Variants in DNAH11 observed in about 807,000 individuals in gnomAD.
DNAH11 encodes the protein axonemal beta dynein heavy chain 11.
DNAH11 carries 442 observed loss-of-function variants against 526.0 expected under a neutral mutation model. The observed-to-expected ratio is 0.84, with a 90% CI of 0.78 to 0.91. DNAH11 has a LOEUF of 0.91. Among genes scored for constraint, DNAH11 ranks in the 40% least tolerant of loss-of-function variants. DNAH11 has a pLI of 0.00. For synonymous variants in DNAH11, 2,461 were observed against 1,935.9 expected (o/e 1.27, Z -7.12); for missense variants, 6,989 against 5,448.7 (o/e 1.28, Z -8.90).
intron 25 of DNAH11, among the ~76,000 whole-genome samples, chr7:21,632,906 G>A (rs2128458526): frequency 6.6e-6 from 1 of 152,250 alleles, no homozygotes; most frequent in East Asian, 1.9e-4. Flanking sequence ...TTTTCATGCT[G>A]CTGATAAAGA....
chr7:21,598,033 C>G (rs766070830), intron 14 of DNAH11, among the ~76,000 whole-genome samples: 20 of 152,146 alleles, frequency 1.3e-4, no homozygotes, highest in Non-Finnish European at 2.5e-4. Flanking sequence ...CTAGGGTTCT[C>G]TCATCTCTCC....
rs147462266 is a variant in DNAH11 at position 21,775,159 on chromosome 7, C to A, written c.9336+1160C>A. Among the ~76,000 whole-genome samples, 44 of 152,284 alleles carry A rather than the reference C, an allele frequency of 2.9e-4. No individual in the cohort carries two copies. In the East Asian group the frequency reaches 5.6e-3, roughly 19 times the overall value. ...CCAAGAATGACTCTGTGACAAAACA[C>A]TGTGATCTGTACTAATAGTGAGTAG... On this transcript the variant is annotated intron_variant, in intron 56 of 81. Coordinates refer to ENST00000409508, the MANE Select transcript of DNAH11 (RefSeq NM_001277115.2).
At chr7:21,670,018 G>A (rs1405191586) in intron 30 of DNAH11, among the ~76,000 whole-genome samples, 1 of 152,056 alleles carries the variant, frequency 6.6e-6, no homozygotes, top group Non-Finnish European at 1.5e-5. Context: ...ACTGTTTGAA[G>A]TTCTTTTTTA....
chr7:21,559,693 T>G lies in DNAH11; in HGVS notation c.783T>G (p.Asp261Glu). The G allele has an allele frequency of 3.1e-6, 5 of 1,611,330 alleles. No homozygotes were observed. Among genetic ancestry groups the G allele is most frequent in the Non-Finnish European group, 4.2e-6 (5 of 1,178,716 alleles). Residue 261 changes from aspartate (D) to glutamate (E), a missense_variant, in exon 4 of 82, where the codon GAT becomes GAG. Transcript: ENST00000409508. ...SHQIQEIIER[D>E]SVQRLLNGLH... ...AAATCCAAGAAATTATAGAAAGAGA[T>G]TCAGTGCAGCGTTTGTTGAATGGTC...
At position 21,555,660 on chromosome 7, in the gene DNAH11, A is replaced by G. The variant is rs192483768; in HGVS notation, c.496-3142A>G. Among the ~76,000 whole-genome samples the G allele has an allele frequency of 1.4e-4, 22 of 152,172 alleles. No individual in the cohort carries two copies. In the East Asian group the frequency reaches 2.3e-3, roughly 16 times the overall value. On this transcript the variant is annotated intron_variant, in intron 2 of 81. Coordinates refer to ENST00000409508, the MANE Select transcript of DNAH11 (RefSeq NM_001277115.2). Reference sequence around the variant, plus strand: ...CCACCAAGGCAGTACCTATAGTCCAATTTTCCTCCCTTGGCTTGTGCATGA... The same window carrying G: ...CCACCAAGGCAGTACCTATAGTCCAGTTTTCCTCCCTTGGCTTGTGCATGA...
chr7:21,850,659 G>A (rs1204173810), intron 66 of DNAH11, among the ~76,000 whole-genome samples: 1 of 35,868 alleles, frequency 2.8e-5, no homozygotes, highest in Non-Finnish European at 5.1e-5. Context: ...GTACTTATTT[G>A]TTGAAAACCT....
chr7:21,887,354 GTTAA>G (rs1182856247), intron 76 of DNAH11, among the ~76,000 whole-genome samples: 3 of 152,170 alleles, frequency 2.0e-5, no homozygotes, highest in African/African-American at 7.2e-5. Flanking sequence ...ATTTGGCAGC[GTTAA>G]TTAAGAAATA....
At chr7:21,552,897 G>A (rs984010757) in intron 2 of DNAH11, among the ~76,000 whole-genome samples, 4 of 152,042 alleles carry the variant, frequency 2.6e-5, no homozygotes, top group African/African-American at 9.7e-5. Context: ...TGGTAGGTCT[G>A]GACAAGTTGA....
At chr7:21,585,079 A>C (rs1194492301) in intron 9 of DNAH11, among the ~76,000 whole-genome samples, 1 of 152,128 alleles carries the variant, frequency 6.6e-6, no homozygotes, top group African/African-American at 2.4e-5. Flanking sequence ...TAAACAATTT[A>C]ATCTCTTAGG....
chr7:21,654,067 G>A (rs1478063458), intron 28 of DNAH11, among the ~76,000 whole-genome samples: 3 of 152,002 alleles, frequency 2.0e-5, no homozygotes, highest in African/African-American at 7.2e-5. Context: ...CTGGTTATCA[G>A]CAGCTCATAT....
At chr7:21,864,081 T>G (rs1247004580) in intron 69 of DNAH11, among the ~76,000 whole-genome samples, 1 of 152,194 alleles carries the variant, frequency 6.6e-6, no homozygotes, top group Admixed American at 6.5e-5. Context: ...CAATATAATC[T>G]TACATATTAA....
chr7:21,698,263 GC>G (rs746888859), intron 36 of DNAH11, 50 bp downstream of exon 36: 3 of 1,597,084 alleles, frequency 1.9e-6, no homozygotes, highest in Non-Finnish European at 2.6e-6. Flanking sequence ...CATTGAAAAA[GC>G]TTTTGAAGTA....
chr7:21,711,373 AT>A (rs1420244458), intron 41 of DNAH11, among the ~76,000 whole-genome samples: 3 of 152,212 alleles, frequency 2.0e-5, no homozygotes, highest in African/African-American at 7.2e-5. Flanking sequence ...TCTTTGGACA[AT>A]TGATAATTGT....
intron 25 of DNAH11, among the ~76,000 whole-genome samples, chr7:21,631,331 T>C (rs1245788649): frequency 6.6e-6 from 1 of 152,108 alleles, no homozygotes; most frequent in African/African-American, 2.4e-5. Flanking sequence ...CCCTCCCAAA[T>C]CATGTCCTCA....
intron 25 of DNAH11, among the ~76,000 whole-genome samples, chr7:21,635,146 GTTTGTTTGT>G: frequency 1.1e-5 from 1 of 92,488 alleles, no homozygotes; most frequent in South Asian, 3.7e-4. Flanking sequence ...GGGGCAGTTT[GTTTGTTTGT>G]TTGTTTGTTT....
chr7:21,560,226 T>G (rs1448804614), intron 4 of DNAH11, among the ~76,000 whole-genome samples: 1 of 152,196 alleles, frequency 6.6e-6, no homozygotes, highest in East Asian at 1.9e-4. Flanking sequence ...CATTCACATG[T>G]CTTTTGGAGA....
intron 25 of DNAH11, among the ~76,000 whole-genome samples, chr7:21,629,512 C>G (rs1786502295): frequency 6.6e-6 from 1 of 152,098 alleles, no homozygotes; most frequent in South Asian, 2.1e-4. Flanking sequence ...GCGTTAAAGT[C>G]CTGTACTATC....
chr7:21,860,541 C>G (rs191818277), intron 68 of DNAH11, among the ~76,000 whole-genome samples: 2 of 152,290 alleles, frequency 1.3e-5, no homozygotes, highest in East Asian at 1.9e-4. Context: ...GTGGAAGCAA[C>G]CCAGATGTCC....
chr7:21,842,924 C>T (rs1194154507), intron 66 of DNAH11, among the ~76,000 whole-genome samples, 176 bp downstream of exon 66: 1 of 152,132 alleles, frequency 6.6e-6, no homozygotes, highest in Non-Finnish European at 1.5e-5. Context: ...TTCATAAATG[C>T]TAGATTGTTA....
Sources: gnomAD v4.1 joint callset for allele counts (sites outside exome capture counted in the v4.1 genomes callset) on GRCh38, gnomAD v4.1.1 for gene constraint, MANE v1.5 for transcripts, NCBI Gene and HGNC (gene_info 2026-07-23, HGNC 2026-07-21) for gene names.